PARP10: variants seen among roughly 807,000 people sequenced by gnomAD.
PARP10 encodes poly(ADP-ribose) polymerase family member 10.
A neutral mutation model predicts 82.4 loss-of-function variants in PARP10; 56 were observed. The observed-to-expected ratio is 0.68, with a 90% CI of 0.55 to 0.85. PARP10 has a LOEUF of 0.85. Ranked by LOEUF, PARP10 falls within the 40% of genes least tolerant of loss-of-function variation. PARP10 has a pLI of 0.00. For missense variants in PARP10, 1,227 were observed against 1,379.4 expected, an observed-to-expected ratio of 0.89 and a Z score of 1.75; for synonymous variants, 576 against 601.1, an observed-to-expected ratio of 0.96 and a Z score of 0.61.
At chr8:143,988,976 C>T (rs1173953569), upstream of PARP10, 2 of 152,264 alleles carry the variant, frequency 1.3e-5, no homozygotes, top group Non-Finnish European at 2.9e-5. Context: ...GGTACAGTTT[C>T]GGGAATTTCT....
rs1389566099 is a variant in PARP10 at position 143,977,727 on chromosome 8, C to T, written c.2835G>A (p.Val945=). ...CGTAGTCGCCAGTCAGCACCCGTGC[C>T]ACGAACACCGCCTTATGGCCATCGG... ...PNADGHKAVF[V]ARVLTGDYGQ... is the part of the protein sequence containing the mutation. Residue 945 remains valine, a synonymous_variant, in exon 11 of 11, where the codon GTG becomes GTA. Coordinates refer to ENST00000313028, the MANE Select transcript of PARP10 (RefSeq NM_032789.5). The T allele has an allele frequency of 3.7e-6, 6 of 1,600,836 alleles. No homozygotes were observed. Among genetic ancestry groups the T allele is most frequent in the Non-Finnish European group, 5.1e-6 (6 of 1,174,576 alleles).
Position 143,983,262 on chromosome 8 carries a change from GC to G in PARP10, c.2326del (p.Ala776ProfsTer38), listed in dbSNP as rs1238721888. The G allele has an allele frequency of 3.1e-6, 5 of 1,612,888 alleles. No individual in the cohort carries two copies. The highest frequency in any genetic ancestry group is 4.2e-6 in the Non-Finnish European group (5 of 1,179,762). ...GTGGCGGGCAGCACGGGCAGGGTGGGCCCCGAAGCCACGGAGGATGGTGCAG... is the reference window on the plus strand; with the variant it reads ...GTGGCGGGCAGCACGGGCAGGGTGGGCCCGAAGCCACGGAGGATGGTGCAG... ...GDCTILRGFG[A>X]HPARAARHLV... On this transcript the variant is annotated frameshift_variant, in exon 8 of 11. Coordinates refer to ENST00000313028, the MANE Select transcript of PARP10 (RefSeq NM_032789.5). LOFTEE classifies it high-confidence loss of function.
rs200507200 is a variant in PARP10 at position 143,983,038 on chromosome 8, C to T, written c.2450G>A (p.Trp817Ter). The part of the protein sequence containing the change: ...TLAGQTLKGP[W>*]NNLERLAENT... ...CTCTGCCAGACGCTCCAGGTTGTTC[C>T]AGGGCCCCTTCAGCGTCTGCCCCGC... Residue 817 changes from tryptophan to a stop codon, truncating the protein, a stop_gained, in exon 9 of 11, where the codon TGG becomes TAG. Coordinates refer to ENST00000313028, the MANE Select transcript of PARP10 (RefSeq NM_032789.5). LOFTEE classifies it high-confidence loss of function. 5.2e-5 allele frequency: 84 copies of T among 1,613,804 alleles called. No individual in the cohort carries two copies. Among genetic ancestry groups the T allele is most frequent in the Non-Finnish European group, 6.4e-5 (76 of 1,180,018 alleles).
At chr8:144,012,402 G>A in intron 1 of PARP10, 1 of 882,422 alleles carries the variant, frequency 1.1e-6, no homozygotes, top group Non-Finnish European at 1.8e-6. Flanking sequence ...GGGCCCACTG[G>A]GCCAGCCTTG....
intron 1 of PARP10, among the ~76,000 whole-genome samples, chr8:144,006,935 A>C (rs1218656725): frequency 6.6e-6 from 1 of 152,122 alleles, no homozygotes; most frequent in African/African-American, 2.4e-5. Context: ...GCCCAACCAC[A>C]CACCTCCAGC....
upstream of PARP10, chr8:143,989,778 C>G (rs1587465181): frequency 6.6e-6 from 1 of 152,212 alleles, no homozygotes; most frequent in Non-Finnish European, 1.5e-5. This position sits in a 1 kb window ranked among gnomAD's most constrained non-coding sequence, Gnocchi z 4.3. Context: ...CGAGAACGGA[C>G]GGTCAGTCCC....
upstream of PARP10, among the ~76,000 whole-genome samples, chr8:143,989,195 G>A (rs1453849147): frequency 1.3e-5 from 2 of 152,204 alleles, no homozygotes; most frequent in Non-Finnish European, 2.9e-5. This position sits in a 1 kb window ranked among gnomAD's most constrained non-coding sequence, Gnocchi z 4.3. Flanking sequence ...TCTGGGCCCC[G>A]GGTGGGAAGG....
upstream of PARP10, among the ~76,000 whole-genome samples, chr8:143,994,504 G>C (rs1834147719): frequency 6.6e-6 from 1 of 152,204 alleles, no homozygotes; most frequent in South Asian, 2.1e-4. Flanking sequence ...TCCTTAGCCT[G>C]GTACGCGGGC....
intron 1 of PARP10, among the ~76,000 whole-genome samples, chr8:144,007,046 G>A (rs1554752128): frequency 6.6e-6 from 1 of 152,144 alleles, no homozygotes; most frequent in African/African-American, 2.4e-5. Flanking sequence ...ATTGTTTGCT[G>A]CCCTCCAAAC....
At chr8:143,991,404 C>A, upstream of PARP10, 1 of 1,229,194 alleles carries the variant, frequency 8.1e-7, no homozygotes, top group Non-Finnish European at 1.1e-6. Context: ...CCCCCATGGC[C>A]CCAGCCCCTA....
chr8:144,012,551 T>A (rs1554752599), exon 1 of PARP10: 19 of 1,551,730 alleles, frequency 1.2e-5, no homozygotes, highest in Non-Finnish European at 1.7e-5. Context: ...GGCTTCGGCA[T>A]CAGATAGAGA....
upstream of PARP10, chr8:143,991,198 AG>A (rs1206673710): frequency 1.3e-6 from 2 of 1,530,552 alleles, no homozygotes; most frequent in African/African-American, 2.8e-5. Flanking sequence ...TGTCTTCTCT[AG>A]GGGCGGACCG....
intron 9 of PARP10, among the ~76,000 whole-genome samples, chr8:143,982,574 G>A (rs879980553): frequency 7.9e-5 from 12 of 152,234 alleles, no homozygotes; most frequent in Admixed American, 2.0e-4. Context: ...CACAAGGGAC[G>A]CATCTGTGGA....
At chr8:143,980,899 A>G (rs1171188261) in intron 9 of PARP10, among the ~76,000 whole-genome samples, 2 of 152,198 alleles carry the variant, frequency 1.3e-5, no homozygotes, top group Non-Finnish European at 2.9e-5. Flanking sequence ...GCTTTGTGAT[A>G]GTTACAGAAA....
chr8:143,988,013 A>G (rs1554749763), upstream of PARP10, among the ~76,000 whole-genome samples: 2 of 150,836 alleles, frequency 1.3e-5, no homozygotes, highest in African/African-American at 4.9e-5. Context: ...AGAGGGCTCC[A>G]GGCTCTCAGC....
chr8:143,991,621 G>A, upstream of PARP10: 1 of 1,601,520 alleles, frequency 6.2e-7, no homozygotes, highest in Non-Finnish European at 8.5e-7. Context: ...CAGGAAGGGA[G>A]GGGTGGGGTG....
chr8:143,991,004 C>T, upstream of PARP10: 1 of 397,910 alleles, frequency 2.5e-6, no homozygotes, highest in Non-Finnish European at 4.5e-6. Flanking sequence ...CCTGGGAAGG[C>T]CCCACGGCGC....
chr8:143,982,312 A>C (rs1833882685), intron 9 of PARP10, among the ~76,000 whole-genome samples: 1 of 151,968 alleles, frequency 6.6e-6, no homozygotes, highest in Non-Finnish European at 1.5e-5. Flanking sequence ...CACTAAAAAT[A>C]TTTTTTAAAA....
chr8:143,984,919 C>G lies in PARP10; in HGVS notation c.1083G>C (p.Gly361=), dbSNP rs1833948480. 6.2e-7 allele frequency: 1 copy of G among 1,614,034 alleles called. No homozygotes were observed. The highest frequency in any genetic ancestry group is 8.5e-7 in the Non-Finnish European group (1 of 1,180,028). Residue 361 remains glycine, a synonymous_variant, in exon 5 of 11, where the codon GGG becomes GGC. Coordinates refer to ENST00000313028, the MANE Select transcript of PARP10 (RefSeq NM_032789.5). ...ACCCCACAGGCCTCAGGCTTACCAG[C>G]CCCTCATGTTCCAGAGACCCCATGG... The part of the protein sequence containing the change: ...SMPMGSLEHE[G]LVSLRPVGLQ...
Sources: gnomAD v4.1 joint callset for allele counts (sites outside exome capture counted in the v4.1 genomes callset) on GRCh38, gnomAD v4.1.1 for gene constraint, Gnocchi (gnomAD v3.1) non-coding constraint, MANE v1.5 for transcripts, NCBI Gene and HGNC (gene_info 2026-07-23, HGNC 2026-07-21) for gene names.